Variants in EPYC observed in about 807,000 individuals in gnomAD.
The protein encoded by EPYC is dermatan sulfate proteoglycan 3.
EPYC carries 28 observed loss-of-function variants against 30.1 expected under a neutral mutation model. The observed-to-expected ratio is 0.93, with a 90% CI of 0.69 to 1.28. The LOEUF is 1.28. EPYC is among the 50% of genes most tolerant of loss of function. EPYC has a pLI of 0.00. For missense variants in EPYC, 382 were observed against 383.5 expected (o/e 1.00, Z 0.03); for synonymous variants, 144 against 141.4 (o/e 1.02, Z -0.13).
chr12:90,969,583 A>T (rs1876984249), intron 6 of EPYC, among the ~76,000 whole-genome samples: 1 of 151,248 alleles, frequency 6.6e-6, no homozygotes, highest in Non-Finnish European at 1.5e-5. Flanking sequence ...ATCTCTCAGC[A>T]CATAGGAATG....
At chr12:90,972,283 T>A (rs1381868993) in intron 4 of EPYC, among the ~76,000 whole-genome samples, 1 of 152,192 alleles carries the variant, frequency 6.6e-6, no homozygotes, top group East Asian at 1.9e-4. Context: ...ATTTAAAATG[T>A]TTCCCTCAAT....
intron 2 of EPYC, among the ~76,000 whole-genome samples, chr12:90,997,793 A>G (rs7358707): frequency 0.81 from 123,661 of 151,914 alleles, 50,648 homozygotes; most frequent in Non-Finnish European, 0.87. Context: ...AACAGAGTCC[A>G]TTATCTATAA....
intron 2 of EPYC, among the ~76,000 whole-genome samples, chr12:90,994,602 A>T (rs1383756301): frequency 6.6e-6 from 1 of 152,132 alleles, no homozygotes; most frequent in African/African-American, 2.4e-5. Flanking sequence ...TTCTCCCATT[A>T]TTCTTTAGTG....
chr12:90,964,112 G>A lies in EPYC; in HGVS notation c.*44C>T, dbSNP rs1341172621. On this transcript the variant is annotated 3_prime_UTR_variant, in exon 7 of 7. Transcript: ENST00000261172. Reference sequence around the variant, plus strand: ...TGTTTTGGAAGAGAGCAGTAAGAATGGTTTATTTATAGTAGCCATCGTAAT... The same window carrying A: ...TGTTTTGGAAGAGAGCAGTAAGAATAGTTTATTTATAGTAGCCATCGTAAT... The A allele has an allele frequency of 6.5e-7, 1 of 1,543,686 alleles. No homozygotes were observed. The highest frequency in any genetic ancestry group is 1.7e-5 in the Admixed American group (1 of 57,538).
chr12:90,985,286 C>T (rs1877423580), intron 2 of EPYC, among the ~76,000 whole-genome samples: 1 of 152,112 alleles, frequency 6.6e-6, no homozygotes, highest in African/African-American at 2.4e-5. Context: ...AATCCTTCTG[C>T]CTTCCTCAAG....
intron 4 of EPYC, 116 bp downstream of exon 4, chr12:90,972,706 G>A: frequency 1.1e-6 from 1 of 910,404 alleles, no homozygotes; most frequent in Non-Finnish European, 1.6e-6. Flanking sequence ...AAAAACTATT[G>A]ATTCATGAAC....
chr12:90,987,755 C>A (rs1877486742), intron 2 of EPYC, among the ~76,000 whole-genome samples: 1 of 152,144 alleles, frequency 6.6e-6, no homozygotes, highest in East Asian at 1.9e-4. Flanking sequence ...CATTGCACAA[C>A]TCTGAGAAGC....
chr12:90,979,343 C>T (rs953823330), intron 2 of EPYC, among the ~76,000 whole-genome samples: 1 of 152,030 alleles, frequency 6.6e-6, no homozygotes, highest in African/African-American at 2.4e-5. Flanking sequence ...TTGCTTTTTT[C>T]CACCCTTCTT....
intron 2 of EPYC, among the ~76,000 whole-genome samples, chr12:90,989,259 G>C (rs7960983): frequency 0.028 from 4,298 of 151,912 alleles, 218 homozygotes; most frequent in African/African-American, 0.098. Context: ...ATAAACAACT[G>C]TTCTTAGATC....
rs1044643800 is a variant in EPYC at position 91,002,573 on chromosome 12, G to T, written c.-8C>A. 1.9e-6 allele frequency: 3 copies of T among 1,597,798 alleles called. No homozygotes were observed. The highest frequency in any genetic ancestry group is 2.6e-6 in the Non-Finnish European group (3 of 1,174,296). On this transcript the variant is annotated 5_prime_UTR_variant, in exon 2 of 7. Coordinates refer to ENST00000261172, the MANE Select transcript of EPYC (RefSeq NM_004950.5). ...TCCTGCTAATGTCTTCATTTTTCAAGCTTTCCTAATTATAAAATATTAAAA... is the reference window on the plus strand; with the variant it reads ...TCCTGCTAATGTCTTCATTTTTCAATCTTTCCTAATTATAAAATATTAAAA...
intron 3 of EPYC, among the ~76,000 whole-genome samples, chr12:90,976,458 A>G (rs1877182486): frequency 6.6e-6 from 1 of 152,120 alleles, no homozygotes. Context: ...TGAGAAAACT[A>G]AGGCACAGTA....
At chr12:90,981,445 T>C (rs542422064) in intron 2 of EPYC, among the ~76,000 whole-genome samples, 1 of 152,262 alleles carries the variant, frequency 6.6e-6, no homozygotes, top group South Asian at 2.1e-4. Flanking sequence ...TTATTAAAAA[T>C]ATGACAAAAG....
chr12:90,978,317 T>C, intron 2 of EPYC, 55 bp from the exon 3 acceptor site: 1 of 1,515,684 alleles, frequency 6.6e-7, no homozygotes, highest in Non-Finnish European at 8.8e-7. Flanking sequence ...AGTCACTCTG[T>C]GTGGCAGTGA....
At chr12:90,983,499 G>A (rs189341411) in intron 2 of EPYC, among the ~76,000 whole-genome samples, 177 of 152,254 alleles carry the variant, frequency 1.2e-3, no homozygotes, top group Non-Finnish European at 1.6e-3. Context: ...AGTTGAGAGC[G>A]TTGGTTTGCT....
At chr12:90,981,944 A>G (rs1042431246) in intron 2 of EPYC, among the ~76,000 whole-genome samples, 1 of 152,186 alleles carries the variant, frequency 6.6e-6, no homozygotes, top group Admixed American at 6.6e-5. Context: ...CTGTTAAGAA[A>G]TTCAAATAAA....
intron 2 of EPYC, among the ~76,000 whole-genome samples, chr12:90,992,361 A>G (rs949640688): frequency 6.6e-6 from 1 of 152,172 alleles, no homozygotes; most frequent in Admixed American, 6.5e-5. Flanking sequence ...TTCCTGCTTC[A>G]GGTGAAAAAA....
intron 2 of EPYC, among the ~76,000 whole-genome samples, chr12:91,002,189 C>CAAAAAAAAA (rs34987645): frequency 5.4e-5 from 4 of 73,458 alleles, no homozygotes; most frequent in African/African-American, 1.8e-4. Flanking sequence ...GACACTGTCT[C>CAAAAAAAAA]AAAAAAAAAA....
chr12:90,971,900 T>C lies in EPYC; in HGVS notation c.602A>G (p.Asn201Ser). The change falls in exon 5 of 7, where the codon AAC (asparagine) becomes AGC (serine). Residue 201 changes from asparagine to serine, a missense_variant. Physicochemically the swap from Asn to Ser is conservative, Grantham distance 46. Transcript: ENST00000261172. ...PQLRELVLRD[N>S]KIRQLPELPT... ...CAATTCTGGGAGCTGCCTTATTTTG[T>C]TGTCACGCAGGACAAGCTCTCGAAG... is the stretch of plus-strand genomic sequence containing the variant. 1 of 1,612,560 alleles carries C rather than the reference T, an allele frequency of 6.2e-7. No homozygotes were observed. The highest frequency in any genetic ancestry group is 8.5e-7 in the Non-Finnish European group (1 of 1,179,316).
intron 2 of EPYC, among the ~76,000 whole-genome samples, chr12:90,993,279 G>T (rs1006740317): frequency 1.3e-5 from 2 of 152,086 alleles, no homozygotes; most frequent in Non-Finnish European, 2.9e-5. Flanking sequence ...GCTTGTGGCT[G>T]GCCAGCATTG....
Sources: gnomAD v4.1 joint callset for allele counts (sites outside exome capture counted in the v4.1 genomes callset) on GRCh38, gnomAD v4.1.1 for gene constraint, MANE v1.5 for transcripts, NCBI Gene and HGNC (gene_info 2026-07-23, HGNC 2026-07-21) for gene names.